The following HERC1 variants were observed in gnomAD, a reference collection of about 807,000 sequenced individuals.
The protein encoded by HERC1 is probable E3 ubiquitin-protein ligase HERC1.
Under a neutral mutation model 554.3 loss-of-function variants are expected in HERC1, and 160 were observed. The observed-to-expected ratio is 0.29, with a 90% CI of 0.25 to 0.33. The LOEUF is 0.33. Among genes scored for constraint, HERC1 ranks in the 10% least tolerant of loss-of-function variants. The pLI is 1.00. For missense variants in HERC1, 4,919 were observed against 5,918.5 expected (o/e 0.83, Z 5.54); for synonymous variants, 2,175 against 2,131.7 (o/e 1.02, Z -0.56).
In HERC1 at chr15:63,651,530, C is replaced by T. The variant is rs1049784735; in HGVS notation, c.10419-150G>A. On this transcript the variant is annotated intron_variant, in intron 52 of 77. Coordinates refer to ENST00000443617, the MANE Select transcript of HERC1 (RefSeq NM_003922.4). Reference sequence around the variant, plus strand: ...CTTGGCTAGCAGTATTTAACAGTTACACACTCATTAATGTTTGTCATCATG... The same window carrying T: ...CTTGGCTAGCAGTATTTAACAGTTATACACTCATTAATGTTTGTCATCATG... 2.4e-5 allele frequency: 16 copies of T among 676,192 alleles called. No homozygotes were observed. In the Admixed American group the frequency reaches 4.4e-4, roughly 18 times the overall value. The allele number at this position is 676,192 out of a possible 1,614,324, so 41.9% of individuals were successfully genotyped here.
Position 63,749,313 on chromosome 15 carries a change from T to A in HERC1, c.2219+54A>T. On this transcript the variant is annotated intron_variant, in intron 10 of 77. Transcript: ENST00000443617. This position sits in a 1 kb window ranked among gnomAD's most constrained non-coding sequence, Gnocchi z 4.1. ...CTGTTTTTATTAGTGTTTCTACTTT[T>A]TATTGGTGTTTATGTTAAAACACAC... 7.5e-7 allele frequency: 1 copy of A among 1,337,234 alleles called. No individual in the cohort carries two copies. Among genetic ancestry groups the A allele is most frequent in the Non-Finnish European group, 1.0e-6 (1 of 974,184 alleles). The allele number at this position is 1,337,234 out of a possible 1,614,324, so 82.8% of individuals were successfully genotyped here.
intron 34 of HERC1, among the ~76,000 whole-genome samples, chr15:63,684,414 C>G (rs532944379): frequency 1.3e-5 from 2 of 152,310 alleles, no homozygotes; most frequent in East Asian, 3.9e-4. Context: ...TAAACTGTAA[C>G]TGAAATTTTG....
At chr15:63,761,112 C>T (rs1310577710) in intron 3 of HERC1, among the ~76,000 whole-genome samples, 1 of 152,080 alleles carries the variant, frequency 6.6e-6, no homozygotes, top group Non-Finnish European at 1.5e-5. Flanking sequence ...GAATAAAGAG[C>T]ACAGCAATTA....
chr15:63,714,976 T>A (rs1329353786), intron 22 of HERC1, among the ~76,000 whole-genome samples: 1 of 152,188 alleles, frequency 6.6e-6, no homozygotes, highest in Non-Finnish European at 1.5e-5. Context: ...AATATTTTTG[T>A]TATGCTATTA....
chr15:63,651,125 A>C, intron 53 of HERC1, 128 bp downstream of exon 53: 1 of 798,208 alleles, frequency 1.3e-6, no homozygotes, highest in African/African-American at 1.7e-5. Context: ...ATAGATTGAA[A>C]TTTCAGAGTT....
rs574894997 is a variant in HERC1, at chr15:63,662,028, A to G, written c.8902-7T>C. 15 of 1,606,814 alleles carry G rather than the reference A, an allele frequency of 9.3e-6. No individual in the cohort carries two copies. The highest frequency in any genetic ancestry group is 8.8e-5 in the South Asian group (8 of 90,962). ...CTTCAGACTCACAAACATGCTGCAC[A>G]AAAGGATTTCATACCAAATGATTAG... On this transcript the variant is annotated splice_region_variant and splice_polypyrimidine_tract_variant and intron_variant, in intron 44 of 77. Transcript: ENST00000443617.
At chr15:63,706,660 A>G (rs2073020399) in intron 25 of HERC1, 120 bp downstream of exon 25, 1 of 496,504 alleles carries the variant, frequency 2.0e-6, no homozygotes, top group African/African-American at 2.0e-5. Context: ...TTCAAAGACA[A>G]TCATATCTAA....
intron 1 of HERC1, among the ~76,000 whole-genome samples, chr15:63,817,713 T>C (rs1376493516): frequency 6.6e-6 from 1 of 152,080 alleles, no homozygotes; most frequent in Non-Finnish European, 1.5e-5. Context: ...AGACTCTGTC[T>C]CAAATAATAA....
chr15:63,810,623 GCTT>G (rs1195904852), intron 1 of HERC1, among the ~76,000 whole-genome samples: 2 of 151,938 alleles, frequency 1.3e-5, no homozygotes, highest in East Asian at 1.9e-4. Context: ...TGCATATATT[GCTT>G]CTTTTTTTTA....
At position 63,674,443 on chromosome 15, in the gene HERC1, C is replaced by T. The variant is rs759311275; in HGVS notation, c.7745G>A (p.Arg2582Lys). Residue 2582 changes from arginine (R) to lysine (K), a missense_variant, in exon 38 of 78, where the codon AGA (arginine) becomes AAA (lysine). Around this residue, in one of 11 missense-constraint regions of HERC1, gnomAD observed 1,963 missense variants for 2,228.6 expected, o/e 0.88. Coordinates refer to ENST00000443617, the MANE Select transcript of HERC1 (RefSeq NM_003922.4). ...TTCCAGATCAGCTAATCCCAATGCT[C>T]TCTTTATGGGTGACCGCATGACTGC... ...KRAVMRSPIK[R>K]ALGLADLERA... 3.7e-6 allele frequency: 6 copies of T among 1,613,882 alleles called. No individual in the cohort carries two copies. Among genetic ancestry groups the T allele is most frequent in the Non-Finnish European group, 5.1e-6 (6 of 1,179,856 alleles).
chr15:63,672,459 C>CATCA, intron 39 of HERC1, 37 bp downstream of exon 39: 1 of 1,443,298 alleles, frequency 6.9e-7, no homozygotes, highest in Non-Finnish European at 9.5e-7. Context: ...GAAACACAGG[C>CATCA]ATCAGTATGG....
At chr15:63,656,979 A>C (rs1378185570) in intron 48 of HERC1, among the ~76,000 whole-genome samples, 1 of 152,194 alleles carries the variant, frequency 6.6e-6, no homozygotes, top group East Asian at 1.9e-4. Flanking sequence ...GCTATTATGA[A>C]TAGTACTACC....
chr15:63,676,784 A>T (rs2071233953), intron 37 of HERC1, among the ~76,000 whole-genome samples: 1 of 152,178 alleles, frequency 6.6e-6, no homozygotes. Context: ...ATCAAATAAA[A>T]TTTAAAAAGA....
rs757079331 is a variant in HERC1 at position 63,625,918 on chromosome 15, G to A, written c.13275+67C>T. ...AGAGGGAAAGGCCCTGGGGCCTGGCGAGCATGTCACGGGCACTGCTTACCA... is the reference window on the plus strand; with the variant it reads ...AGAGGGAAAGGCCCTGGGGCCTGGCAAGCATGTCACGGGCACTGCTTACCA... On this transcript the variant is annotated intron_variant, in intron 71 of 77. Coordinates refer to ENST00000443617, the MANE Select transcript of HERC1 (RefSeq NM_003922.4). 2.5e-5 allele frequency: 38 copies of A among 1,509,350 alleles called. No homozygotes were observed. The Admixed American group carries it at 3.3e-4, about 13-fold the overall frequency. The allele number at this position is 1,509,350 out of a possible 1,614,324, so 93.5% of individuals were successfully genotyped here.
At chr15:63,746,706 G>A (rs180678282) in intron 12 of HERC1, among the ~76,000 whole-genome samples, 20 of 152,182 alleles carry the variant, frequency 1.3e-4, no homozygotes, top group Non-Finnish European at 2.9e-4. Flanking sequence ...ACCAAATCTG[G>A]TGGGAGAGCA....
intron 59 of HERC1, among the ~76,000 whole-genome samples, chr15:63,642,614 C>A (rs1310406116): frequency 6.6e-6 from 1 of 152,218 alleles, no homozygotes; most frequent in African/African-American, 2.4e-5. Context: ...GCTGGGATTA[C>A]AGGCATGAGC....
intron 1 of HERC1, among the ~76,000 whole-genome samples, chr15:63,818,200 G>A (rs1020505049): frequency 1.3e-5 from 2 of 152,014 alleles, no homozygotes; most frequent in Non-Finnish European, 2.9e-5. Flanking sequence ...TAAAGCAACA[G>A]TCACAGAAAA....
chr15:63,662,492 C>A (rs2070408638), intron 44 of HERC1, among the ~76,000 whole-genome samples: 1 of 152,172 alleles, frequency 6.6e-6, no homozygotes, highest in Non-Finnish European at 1.5e-5. Flanking sequence ...AAATGTAATG[C>A]TAACCAATGT....
chr15:63,772,517 T>A (rs1472374305), intron 2 of HERC1, among the ~76,000 whole-genome samples: 2 of 150,680 alleles, frequency 1.3e-5, no homozygotes, highest in Admixed American at 6.6e-5. Context: ...AATATATATA[T>A]ATTAAATATA....
Sources: gnomAD v4.1 joint callset for allele counts (sites outside exome capture counted in the v4.1 genomes callset) on GRCh38, gnomAD v4.1.1 for gene constraint, gnomAD v4.1.1 regional missense constraint, Gnocchi (gnomAD v3.1) non-coding constraint, MANE v1.5 for transcripts, NCBI Gene and HGNC (gene_info 2026-07-23, HGNC 2026-07-21) for gene names.